VTI1B: variants seen among roughly 807,000 people sequenced by gnomAD.
The protein encoded by VTI1B is vesicle transport through interaction with t-SNAREs 1B.
VTI1B carries 18 observed loss-of-function variants against 28.6 expected under a neutral mutation model. That is an observed-to-expected ratio of 0.63 (90% confidence interval 0.43 to 0.93). VTI1B has a LOEUF of 0.93. Ranked by LOEUF, VTI1B falls within the 40% of genes least tolerant of loss-of-function variation. The pLI, the probability that VTI1B is intolerant of heterozygous loss-of-function variation, is 0.00. For missense variants in VTI1B, 283 were observed against 297.0 expected, an observed-to-expected ratio of 0.95 and a Z score of 0.35; for synonymous variants, 100 against 107.9, an observed-to-expected ratio of 0.93 and a Z score of 0.46.
intron 4 of VTI1B, among the ~76,000 whole-genome samples, chr14:67,655,316 G>T (rs747620102): frequency 6.6e-5 from 10 of 152,080 alleles, no homozygotes; most frequent in Non-Finnish European, 1.2e-4. Context: ...GACAGAGCAA[G>T]ACCCTGTCTC....
At chr14:67,662,179 CA>C (rs112653537) in intron 2 of VTI1B, among the ~76,000 whole-genome samples, 23 of 141,626 alleles carry the variant, frequency 1.6e-4, no homozygotes, top group South Asian at 6.8e-4. Context: ...ACAACAACAA[CA>C]AAAAAAAAAA....
intron 1 of VTI1B, among the ~76,000 whole-genome samples, chr14:67,667,478 A>G (rs2037415148): frequency 1.3e-5 from 2 of 152,208 alleles, no homozygotes; most frequent in South Asian, 4.1e-4. Flanking sequence ...AGGGACTATA[A>G]GACTACTGAC....
At chr14:67,663,043 G>A in intron 1 of VTI1B, 1 of 1,427,698 alleles carries the variant, frequency 7.0e-7, no homozygotes, top group Non-Finnish European at 9.1e-7. Context: ...CTTGCTGAGA[G>A]GCTGTCTGGT....
Position 67,650,918 on chromosome 14 carries a change from T to G in VTI1B, c.*467A>C. 1 of 1,613,788 alleles carries G rather than the reference T, an allele frequency of 6.2e-7. No individual in the cohort carries two copies. Among genetic ancestry groups the G allele is most frequent in the Non-Finnish European group, 8.5e-7 (1 of 1,179,876 alleles). ...AGAAAATCAAGCACGTGTGAGAATT[T>G]AGGAGACACTGTGCACTGACATGTT... On this transcript the variant is annotated 3_prime_UTR_variant, in exon 6 of 6. Coordinates refer to ENST00000554659, the MANE Select transcript of VTI1B (RefSeq NM_006370.3).
intron 1 of VTI1B, among the ~76,000 whole-genome samples, chr14:67,672,762 A>G (rs987879060): frequency 1.1e-4 from 17 of 152,078 alleles, no homozygotes; most frequent in Admixed American, 5.9e-4. Context: ...CTTTTCAATC[A>G]CATAAATCAG....
intron 1 of VTI1B, among the ~76,000 whole-genome samples, chr14:67,673,487 G>T (rs187234201): frequency 6.6e-6 from 1 of 152,034 alleles, no homozygotes; most frequent in Non-Finnish European, 1.5e-5. Context: ...GGGGATGTTC[G>T]TATCTTTTTC....
At chr14:67,666,526 A>G (rs1366771249) in intron 1 of VTI1B, among the ~76,000 whole-genome samples, 1 of 152,244 alleles carries the variant, frequency 6.6e-6, no homozygotes, top group Non-Finnish European at 1.5e-5. Flanking sequence ...AACCTTTGAA[A>G]TCATTTCTTG....
intron 1 of VTI1B, among the ~76,000 whole-genome samples, chr14:67,674,087 A>C (rs1306846575): frequency 2.6e-5 from 4 of 152,206 alleles, no homozygotes; most frequent in African/African-American, 4.8e-5. Context: ...CCCACTCTAC[A>C]TTACAGGACC....
rs551371046 is a variant in VTI1B, at chr14:67,650,470, G to A, written c.*915C>T. 3.7e-5 allele frequency: 19 copies of A among 516,746 alleles called. No homozygotes were observed. The highest frequency in any genetic ancestry group is 6.3e-5 in the Non-Finnish European group (18 of 287,604). 32.0% of individuals were successfully genotyped at this position (516,746 alleles called of 1,614,324 possible). A position where few individuals can be genotyped will look rare whatever the true frequency, so the allele number is the denominator to read the frequency against. ...GACAATTATGCCTGTTATGTTAGTT[G>A]AACAGGGATGGTTTATTTCATTATC... On this transcript the variant is annotated 3_prime_UTR_variant, in exon 6 of 6. Transcript: ENST00000554659.
intron 5 of VTI1B, chr14:67,652,719 T>A (rs2140798905): frequency 6.6e-6 from 1 of 152,308 alleles, no homozygotes; most frequent in South Asian, 2.1e-4. Context: ...AGGAGCTGAC[T>A]CCCATGAAGG....
chr14:67,671,292 G>A (rs1258268509), intron 1 of VTI1B, among the ~76,000 whole-genome samples: 2 of 152,132 alleles, frequency 1.3e-5, no homozygotes, highest in South Asian at 2.1e-4. Flanking sequence ...TTGGGAGGCC[G>A]TGGCGGGCAG....
chr14:67,648,220 T>C lies in VTI1B; in HGVS notation c.*3165A>G, dbSNP rs1325011705. ...CCAGGTCTGCAGCCTGTTAACTACA[T>C]AGGTAAATATGCTAGAGTCTCTTGC... On this transcript the variant is annotated 3_prime_UTR_variant, in exon 6 of 6. Transcript: ENST00000554659. The C allele has an allele frequency of 2.5e-6, 4 of 1,590,264 alleles. No individual in the cohort carries two copies. Among genetic ancestry groups the C allele is most frequent in the East Asian group, 2.3e-5 (1 of 44,408 alleles).
chr14:67,662,902 C>CAAAA (rs11437880), intron 1 of VTI1B: 608 of 898,936 alleles, frequency 6.8e-4, no homozygotes, highest in South Asian at 3.5e-3. Context: ...GACTCTGTCT[C>CAAAA]AAAAAAAAAA....
chr14:67,662,208 C>T (rs1476217899), intron 2 of VTI1B, among the ~76,000 whole-genome samples: 1 of 151,554 alleles, frequency 6.6e-6, no homozygotes, highest in Non-Finnish European at 1.5e-5. Context: ...TTTTAAAAGA[C>T]TGCTTGGGTA....
chr14:67,658,562 A>C (rs1334089625), intron 3 of VTI1B, among the ~76,000 whole-genome samples: 1 of 152,200 alleles, frequency 6.6e-6, no homozygotes, highest in Non-Finnish European at 1.5e-5. Context: ...GCGCCACTGC[A>C]CTCCAGCCTG....
chr14:67,658,365 C>T (rs1159375037), intron 3 of VTI1B, among the ~76,000 whole-genome samples: 11 of 151,980 alleles, frequency 7.2e-5, no homozygotes, highest in South Asian at 4.1e-4. Flanking sequence ...GAGGCCGAGA[C>T]GGGTGGATCA....
rs1228432772 is a variant in VTI1B at position 67,649,576 on chromosome 14, A to G, written c.*1809T>C. ...TGGGATATGCTAAAGGTGCAGGTTT[A>G]GTCAGTGGAAATCAGAGACAAATCA... On this transcript the variant is annotated 3_prime_UTR_variant, in exon 6 of 6. Transcript: ENST00000554659. 1.3e-5 allele frequency: 2 copies of G among 152,216 alleles called. No individual in the cohort carries two copies. The highest frequency in any genetic ancestry group is 2.9e-5 in the Non-Finnish European group (2 of 68,038). The allele number at this position is 152,216 out of a possible 1,614,324, so 9.4% of individuals were successfully genotyped here. A position where few individuals can be genotyped will look rare whatever the true frequency, so the allele number is the denominator to read the frequency against.
At chr14:67,660,075 G>T in intron 2 of VTI1B, 153 bp from the exon 3 acceptor site, 1 of 762,970 alleles carries the variant, frequency 1.3e-6, no homozygotes, top group Non-Finnish European at 2.0e-6. Flanking sequence ...TGTCTGGCAT[G>T]TTCCCCTCAT....
At chr14:67,651,849 G>A (rs1263190476) in intron 5 of VTI1B, 1 of 179,510 alleles carries the variant, frequency 5.6e-6, no homozygotes, top group Admixed American at 5.7e-5. Flanking sequence ...CTAGAAGCCT[G>A]GGTAATACCT....
Sources: allele counts gnomAD v4.1 joint callset (sites outside exome capture counted in the v4.1 genomes callset), GRCh38; gene constraint gnomAD v4.1.1; transcripts MANE v1.5; gene names NCBI Gene and HGNC (gene_info 2026-07-23, HGNC 2026-07-21).